The following ALPL variants were observed in gnomAD, a reference collection of about 807,000 sequenced individuals.
ALPL encodes alkaline phosphatase, tissue-nonspecific isozyme.
ALPL carries 42 observed loss-of-function variants against 51.3 expected under a neutral mutation model. The observed-to-expected ratio is 0.82, with a 90% CI of 0.64 to 1.06. The LOEUF (loss-of-function observed/expected upper bound fraction) is 1.06. Ranked by LOEUF, ALPL falls within the 50% of genes least tolerant of loss-of-function variation. The probability of loss-of-function intolerance (pLI) is 0.00; values close to 1 mark genes in which losing one functional copy is unlikely to be tolerated. For synonymous variants in ALPL, 279 were observed against 296.4 expected, an observed-to-expected ratio of 0.94 and a Z score of 0.60; for missense variants, 589 against 709.4, an observed-to-expected ratio of 0.83 and a Z score of 1.93.
intron 2 of ALPL, among the ~76,000 whole-genome samples, chr1:21,557,302 T>C (rs1644426324): frequency 6.6e-6 from 1 of 151,806 alleles, no homozygotes; most frequent in South Asian, 2.1e-4. Context: ...TGGCAAGGAG[T>C]GGATGCTCAG....
intron 11 of ALPL, among the ~76,000 whole-genome samples, chr1:21,577,050 T>C (rs1461167907): frequency 6.6e-6 from 1 of 152,174 alleles, no homozygotes; most frequent in Non-Finnish European, 1.5e-5. Flanking sequence ...CCATCCCATA[T>C]CATTCATTCG....
At chr1:21,530,102 T>C (rs1261252199) in intron 1 of ALPL, among the ~76,000 whole-genome samples, 1 of 152,118 alleles carries the variant, frequency 6.6e-6, no homozygotes, top group Non-Finnish European at 1.5e-5. Context: ...TTAGAATTCA[T>C]TGTGCTATGG....
At chr1:21,544,087 C>T (rs1644224151) in intron 1 of ALPL, among the ~76,000 whole-genome samples, 1 of 152,230 alleles carries the variant, frequency 6.6e-6, no homozygotes, top group South Asian at 2.1e-4. Flanking sequence ...CCAAGTGGAC[C>T]TCCATTTTCT....
intron 1 of ALPL, among the ~76,000 whole-genome samples, chr1:21,530,207 C>G (rs191136261): frequency 1.3e-5 from 2 of 152,318 alleles, no homozygotes; most frequent in Admixed American, 1.3e-4. Flanking sequence ...GATCCTCCCT[C>G]TCAAATCAGT....
intron 11 of ALPL, 130 bp from the exon 12 acceptor site, chr1:21,577,253 A>C (rs1644749915): frequency 1.4e-6 from 2 of 1,456,348 alleles, no homozygotes; most frequent in African/African-American, 2.8e-5. Context: ...TGACTTTCCC[A>C]CATTGAGCCT....
chr1:21,523,051 C>T (rs949879785), intron 1 of ALPL, among the ~76,000 whole-genome samples: 1 of 152,092 alleles, frequency 6.6e-6, no homozygotes, highest in Non-Finnish European at 1.5e-5. Context: ...TTTGGGAGGC[C>T]GAGGTGGGTG....
upstream of ALPL, among the ~76,000 whole-genome samples, chr1:21,509,188 C>T (rs1318422740): frequency 1.3e-5 from 2 of 151,918 alleles, no homozygotes; most frequent in Non-Finnish European, 2.9e-5. The surrounding 1 kb of genome is among the most constrained non-coding windows in gnomAD (Gnocchi z 6.0). Context: ...GAGTGCGGGG[C>T]GGGCGAGGGA....
chr1:21,539,362 G>T (rs931466543), intron 1 of ALPL, among the ~76,000 whole-genome samples: 2 of 152,176 alleles, frequency 1.3e-5, no homozygotes, highest in African/African-American at 4.8e-5. Flanking sequence ...ACATAATAAG[G>T]TCTATGAAAA....
chr1:21,536,522 T>C (rs959427642), intron 1 of ALPL, among the ~76,000 whole-genome samples: 1 of 152,184 alleles, frequency 6.6e-6, no homozygotes, highest in Admixed American at 6.5e-5. Context: ...GGAGCCCAAG[T>C]GATGCTATCA....
chr1:21,568,113 G>A lies in ALPL; in HGVS notation c.658G>A (p.Gly220Arg), dbSNP rs747488546. 4 of 1,614,076 alleles carry A rather than the reference G, an allele frequency of 2.5e-6. No individual in the cohort carries two copies. The highest frequency in any genetic ancestry group is 1.7e-5 in the Admixed American group (1 of 60,008). ...CTCCTGTCTCTTTTAGGTGATCATG[G>A]GGGGTGGCCGGAAATACATGTACCC... ...HNIRDIDVIM[G>R]GGRKYMYPKN... The change falls in exon 7 of 12, where the codon GGG (glycine) becomes AGG (arginine). Residue 220 changes from glycine (G) to arginine (R), a missense_variant. Gly to Arg is a moderately radical substitution (Grantham distance 125, BLOSUM62 -2). Transcript: ENST00000374840.
At chr1:21,569,382 G>C (rs1644614051) in intron 7 of ALPL, among the ~76,000 whole-genome samples, 1 of 152,198 alleles carries the variant, frequency 6.6e-6, no homozygotes, top group Non-Finnish European at 1.5e-5. Flanking sequence ...TTGGGTATCA[G>C]GTCCCGTGTA....
chr1:21,513,799 A>T (rs1228281497), intron 1 of ALPL, among the ~76,000 whole-genome samples: 1 of 152,218 alleles, frequency 6.6e-6, no homozygotes, highest in African/African-American at 2.4e-5. Flanking sequence ...TTCTCTTGAA[A>T]GATCAGAAGA....
At chr1:21,537,284 T>A in intron 1 of ALPL, among the ~76,000 whole-genome samples, 1 of 152,186 alleles carries the variant, frequency 6.6e-6, no homozygotes, top group Non-Finnish European at 1.5e-5. Flanking sequence ...CCCTTGAATA[T>A]TCAGCGAGGA....
At chr1:21,534,428 A>G (rs1396800203) in intron 1 of ALPL, among the ~76,000 whole-genome samples, 1 of 152,214 alleles carries the variant, frequency 6.6e-6, no homozygotes, top group Non-Finnish European at 1.5e-5. Flanking sequence ...GACCTGAGAT[A>G]GAGAGCCACA....
intron 1 of ALPL, among the ~76,000 whole-genome samples, chr1:21,515,417 A>C (rs1697400): frequency 0.97 from 147,760 of 152,196 alleles, 71,893 homozygotes; most frequent in East Asian, 1. Context: ...TAGACTGAGT[A>C]TCGCTCTGTT....
intron 1 of ALPL, among the ~76,000 whole-genome samples, chr1:21,541,654 A>G (rs925376320): frequency 2.0e-5 from 3 of 152,182 alleles, no homozygotes; most frequent in Non-Finnish European, 4.4e-5. Flanking sequence ...CAAGGGCTTC[A>G]TGGCACTGGG....
intron 1 of ALPL, among the ~76,000 whole-genome samples, chr1:21,521,913 T>C (rs1340230054): frequency 6.6e-6 from 1 of 152,208 alleles, no homozygotes; most frequent in East Asian, 1.9e-4. Flanking sequence ...AGTAGGCACT[T>C]AATACATATT....
At position 21,576,071 on chromosome 1, in the gene ALPL, G is replaced by A. The variant is rs1644727583; in HGVS notation, c.1189+147G>A. 3.8e-6 allele frequency: 4 copies of A among 1,039,400 alleles called. No homozygotes were observed. In the Admixed American group the frequency reaches 7.7e-5, roughly 20 times the overall value. The allele number at this position is 1,039,400 out of a possible 1,614,324, so 64.4% of individuals were successfully genotyped here. On this transcript the variant is annotated intron_variant, in intron 10 of 11. Coordinates refer to ENST00000374840, the MANE Select transcript of ALPL (RefSeq NM_000478.6). ...GGGAGGAAGAGTTACTGGGGATGGG[G>A]AGAAAATGCAGGGTGAGGCAGGGGA... is the stretch of plus-strand genomic sequence containing the variant.
intron 1 of ALPL, among the ~76,000 whole-genome samples, chr1:21,533,426 T>G (rs1237309580): frequency 6.6e-6 from 1 of 152,304 alleles, no homozygotes; most frequent in South Asian, 2.1e-4. Context: ...ATACACTCTC[T>G]GTTGAATTTT....
Sources: allele counts gnomAD v4.1 joint callset (sites outside exome capture counted in the v4.1 genomes callset), GRCh38; gene constraint gnomAD v4.1.1; non-coding constraint Gnocchi (gnomAD v3.1); transcripts MANE v1.5; gene names NCBI Gene and HGNC (gene_info 2026-07-23, HGNC 2026-07-21).